The following ARHGAP42 variants were observed in gnomAD, a reference collection of about 807,000 sequenced individuals.
The protein encoded by ARHGAP42 is rho GTPase-activating protein 42.
A neutral mutation model predicts 125.0 loss-of-function variants in ARHGAP42; 63 were observed. That is an observed-to-expected ratio of 0.50 (90% CI 0.41 to 0.62). The LOEUF (loss-of-function observed/expected upper bound fraction) is 0.62, where lower values mean the gene tolerates loss of function less well. ARHGAP42 is among the 20% of genes least tolerant of loss of function. ARHGAP42 has a pLI of 0.00. For synonymous variants in ARHGAP42, 339 were observed against 351.0 expected (o/e 0.97, Z 0.38); for missense variants, 766 against 1,024.2 (o/e 0.75, Z 3.44).
At chr11:100,872,603 G>A (rs1865723317) in intron 4 of ARHGAP42, among the ~76,000 whole-genome samples, 1 of 152,096 alleles carries the variant, frequency 6.6e-6, no homozygotes, top group Admixed American at 6.5e-5. Flanking sequence ...ATGTTGGCCA[G>A]GCTGGTCTGG....
intron 6 of ARHGAP42, among the ~76,000 whole-genome samples, chr11:100,927,771 G>A (rs1478244163): frequency 6.6e-6 from 1 of 152,102 alleles, no homozygotes; most frequent in Non-Finnish European, 1.5e-5. Context: ...ATCTTTTCAG[G>A]AATTCCAATG....
At chr11:100,926,866 A>G (rs761892861) in intron 6 of ARHGAP42, among the ~76,000 whole-genome samples, 1 of 152,198 alleles carries the variant, frequency 6.6e-6, no homozygotes, top group Non-Finnish European at 1.5e-5. Context: ...CTTTTTTAAA[A>G]ACACATTTTA....
chr11:100,891,975 T>G (rs1459661847), intron 4 of ARHGAP42, among the ~76,000 whole-genome samples: 1 of 152,128 alleles, frequency 6.6e-6, no homozygotes, highest in Non-Finnish European at 1.5e-5. Flanking sequence ...ATAGGCATAG[T>G]AGGCAAAAGA....
intron 1 of ARHGAP42, among the ~76,000 whole-genome samples, chr11:100,699,506 ATTTTTTTTTTTTTTTT>A (rs869243290): frequency 3.2e-5 from 1 of 31,740 alleles, no homozygotes; most frequent in Non-Finnish European, 4.9e-5. Flanking sequence ...ATATATATAT[ATTTTTTTTTTTTTTTT>A]TTTTTTTTTT....
intron 3 of ARHGAP42, among the ~76,000 whole-genome samples, chr11:100,803,213 T>TAA (rs34702756): frequency 0.13 from 19,632 of 147,810 alleles, 1,506 homozygotes; most frequent in East Asian, 0.22. Flanking sequence ...CAATCTCTAC[T>TAA]AAAAAAAAAA....
intron 2 of ARHGAP42, among the ~76,000 whole-genome samples, chr11:100,778,627 A>G (rs925051917): frequency 6.6e-6 from 1 of 152,096 alleles, no homozygotes; most frequent in East Asian, 1.9e-4. Flanking sequence ...TAATGATGGA[A>G]GCAGCTGGGA....
intron 3 of ARHGAP42, chr11:100,859,297 A>G (rs1212275463): frequency 2.0e-5 from 7 of 351,162 alleles, no homozygotes; most frequent in Non-Finnish European, 3.6e-5. Flanking sequence ...AAGAAATTTA[A>G]GTATTCAAAC....
chr11:100,788,401 A>T (rs1459661374), intron 2 of ARHGAP42, among the ~76,000 whole-genome samples: 1 of 152,226 alleles, frequency 6.6e-6, no homozygotes, highest in East Asian at 1.9e-4. Context: ...CCTTTAGATT[A>T]CAAGGGGCTG....
chr11:100,742,108 T>C (rs1040228695), intron 1 of ARHGAP42, among the ~76,000 whole-genome samples: 1 of 152,230 alleles, frequency 6.6e-6, no homozygotes, highest in African/African-American at 2.4e-5. Context: ...TGCTTTTTGC[T>C]CACTGTGGAT....
intron 23 of ARHGAP42, 149 bp downstream of exon 23, chr11:100,987,741 A>T (rs1858718791): frequency 2.9e-6 from 2 of 701,632 alleles, no homozygotes; most frequent in South Asian, 2.0e-5. Context: ...AACACATCAA[A>T]TCCCTCTGGG....
At chr11:100,963,094 A>G (rs1857998127) in intron 16 of ARHGAP42, among the ~76,000 whole-genome samples, 1 of 152,200 alleles carries the variant, frequency 6.6e-6, no homozygotes, top group Admixed American at 6.5e-5. Flanking sequence ...GCAACTAAGC[A>G]GGACTCTAAA....
At chr11:100,763,422 A>C (rs1194137479) in intron 1 of ARHGAP42, among the ~76,000 whole-genome samples, 1 of 152,220 alleles carries the variant, frequency 6.6e-6, no homozygotes, top group Non-Finnish European at 1.5e-5. Context: ...AGAAGCCTAA[A>C]ACCTAAGATG....
intron 5 of ARHGAP42, among the ~76,000 whole-genome samples, chr11:100,918,016 T>G (rs1182210465): frequency 1.3e-5 from 2 of 152,220 alleles, no homozygotes; most frequent in Non-Finnish European, 2.9e-5. Context: ...CACATGTACT[T>G]AGGCTACCAC....
intron 4 of ARHGAP42, among the ~76,000 whole-genome samples, chr11:100,889,964 T>C (rs1866180470): frequency 6.6e-6 from 1 of 152,186 alleles, no homozygotes. Flanking sequence ...TTTTGGACTT[T>C]GCCACAGTAG....
At chr11:100,850,297 T>C (rs1445564310) in intron 3 of ARHGAP42, among the ~76,000 whole-genome samples, 2 of 152,314 alleles carry the variant, frequency 1.3e-5, no homozygotes, top group East Asian at 1.9e-4. Flanking sequence ...AACTTAAGGC[T>C]CCTAGGCTAC....
intron 3 of ARHGAP42, among the ~76,000 whole-genome samples, chr11:100,831,223 C>A (rs184617996): frequency 1.3e-5 from 2 of 152,188 alleles, no homozygotes; most frequent in Admixed American, 1.3e-4. Context: ...GATGATTATA[C>A]AGAGGAGTGG....
intron 1 of ARHGAP42, among the ~76,000 whole-genome samples, chr11:100,747,855 G>T (rs1862340609): frequency 6.6e-6 from 1 of 151,870 alleles, no homozygotes; most frequent in African/African-American, 2.4e-5. Context: ...CTTTCACAGA[G>T]AATTCTTCAG....
intron 3 of ARHGAP42, among the ~76,000 whole-genome samples, chr11:100,828,856 C>G (rs1180986214): frequency 1.3e-5 from 2 of 152,078 alleles, no homozygotes; most frequent in African/African-American, 4.8e-5. Context: ...CTCGGCCTAC[C>G]TTACCATTTT....
intron 17 of ARHGAP42, among the ~76,000 whole-genome samples, chr11:100,969,231 T>C (rs1344492881): frequency 6.6e-6 from 1 of 152,136 alleles, no homozygotes; most frequent in Non-Finnish European, 1.5e-5. Flanking sequence ...ATAAGCTTAT[T>C]GGGGTTCCTT....
Sources: gnomAD v4.1 joint callset for allele counts (sites outside exome capture counted in the v4.1 genomes callset) on GRCh38, gnomAD v4.1.1 for gene constraint, MANE v1.5 for transcripts, NCBI Gene and HGNC (gene_info 2026-07-23, HGNC 2026-07-21) for gene names.